The following CCDC148 variants were observed in gnomAD, a reference collection of about 807,000 sequenced individuals.
The protein encoded by CCDC148 is coiled-coil domain-containing protein 148.
Under a neutral mutation model 85.7 loss-of-function variants are expected in CCDC148, and 89 were observed. The ratio of observed to expected loss-of-function variants is 1.04; its 90% CI spans 0.87 to 1.24. CCDC148 has a LOEUF of 1.24. Ranked by LOEUF, CCDC148 falls within the 50% of genes most tolerant of loss-of-function variation. CCDC148 has a pLI of 0.00. For missense variants in CCDC148, 692 were observed against 671.7 expected (o/e 1.03, Z -0.33); for synonymous variants, 230 against 213.9 (o/e 1.08, Z -0.66).
intron 1 of CCDC148, among the ~76,000 whole-genome samples, chr2:158,375,022 AGTT>A (rs1684598697): frequency 6.6e-6 from 1 of 152,038 alleles, no homozygotes; most frequent in African/African-American, 2.4e-5. Context: ...TTCTATATGA[AGTT>A]GTTTGAATTC....
intron 10 of CCDC148, among the ~76,000 whole-genome samples, chr2:158,243,455 C>A (rs578183336): frequency 6.6e-6 from 1 of 152,242 alleles, no homozygotes; most frequent in Admixed American, 6.5e-5. Context: ...CCAGCAGGAC[C>A]TCTGTGGATT....
At chr2:158,357,082 G>A (rs1363411678) in intron 2 of CCDC148, among the ~76,000 whole-genome samples, 1 of 144,814 alleles carries the variant, frequency 6.9e-6, no homozygotes, top group Non-Finnish European at 1.5e-5. Flanking sequence ...ACTGTTATGG[G>A]GTTGGGGGAG....
rs554689092 is a variant in CCDC148 at position 158,329,207 on chromosome 2, G to A, written c.764+9519C>T. Among the ~76,000 whole-genome samples the A allele has an allele frequency of 2.0e-5, 3 of 152,284 alleles. No homozygotes were observed. In the East Asian group the frequency reaches 5.8e-4, roughly 29 times the overall value. On this transcript the variant is annotated intron_variant, in intron 7 of 13. Transcript: ENST00000283233. Reference sequence around the variant, plus strand: ...AATTTTTGTACATGGTGTAAGGAAGGGATCCAGTTTCAGCTTTCTACATAT... The same window carrying A: ...AATTTTTGTACATGGTGTAAGGAAGAGATCCAGTTTCAGCTTTCTACATAT...
intron 2 of CCDC148, among the ~76,000 whole-genome samples, chr2:158,350,637 A>G (rs1327830671): frequency 6.6e-6 from 1 of 152,210 alleles, no homozygotes; most frequent in East Asian, 1.9e-4. Flanking sequence ...CTATTATCAC[A>G]AAATTGGATA....
At chr2:158,390,848 C>T (rs1685272704) in intron 1 of CCDC148, among the ~76,000 whole-genome samples, 1 of 152,114 alleles carries the variant, frequency 6.6e-6, no homozygotes, top group Admixed American at 6.6e-5. Flanking sequence ...AATAACACTC[C>T]AGCAGTGTAA....
At chr2:158,310,953 T>C (rs1170929257) in intron 8 of CCDC148, among the ~76,000 whole-genome samples, 1 of 127,382 alleles carries the variant, frequency 7.9e-6, no homozygotes, top group East Asian at 2.4e-4. Flanking sequence ...TTCTAGACAG[T>C]GTGGCGGCCG....
intron 1 of CCDC148, among the ~76,000 whole-genome samples, chr2:158,392,723 C>G (rs1290508793): frequency 4.0e-5 from 6 of 151,856 alleles, no homozygotes; most frequent in African/African-American, 1.2e-4. Context: ...CAAAATAAAC[C>G]CTTAAGATAA....
intron 10 of CCDC148, among the ~76,000 whole-genome samples, chr2:158,227,413 A>G (rs1314354645): frequency 6.6e-6 from 1 of 152,116 alleles, no homozygotes; most frequent in Non-Finnish European, 1.5e-5. Flanking sequence ...TGCCATCCCC[A>G]TCAAGCTACC....
chr2:158,411,278 C>T (rs1292269838), intron 1 of CCDC148, among the ~76,000 whole-genome samples: 2 of 151,618 alleles, frequency 1.3e-5, no homozygotes, highest in Admixed American at 6.6e-5. Context: ...AGCTTTTTGC[C>T]CTATTCTTTC....
intron 11 of CCDC148, among the ~76,000 whole-genome samples, chr2:158,192,673 C>T (rs1457911396): frequency 1.3e-5 from 2 of 151,864 alleles, no homozygotes; most frequent in African/African-American, 2.4e-5. Context: ...GAGAACTTCA[C>T]AGTAACAGAG....
At chr2:158,308,067 G>A (rs77284249) in intron 9 of CCDC148, among the ~76,000 whole-genome samples, 8,558 of 152,164 alleles carry the variant, frequency 0.056, 501 homozygotes, top group African/African-American at 0.15. Flanking sequence ...TGATGTGCAT[G>A]TCTATGGTTG....
chr2:158,411,536 A>C (rs532691176), intron 1 of CCDC148, among the ~76,000 whole-genome samples: 2 of 151,900 alleles, frequency 1.3e-5, no homozygotes, highest in South Asian at 4.2e-4. Context: ...TTTGTTCTTC[A>C]TTGTTATTTC....
chr2:158,199,447 G>A (rs1014473313), intron 11 of CCDC148, among the ~76,000 whole-genome samples: 1 of 152,116 alleles, frequency 6.6e-6, no homozygotes. Flanking sequence ...GTTTCACCAT[G>A]TTGGCCAGGC....
rs77155656 is a variant in CCDC148, at chr2:158,266,005, C to A, written c.1111-15093G>T. 7.0e-3 allele frequency among the ~76,000 whole-genome samples: 1,065 copies of A among 152,262 alleles called. 16 individuals carry two copies. The highest frequency in any genetic ancestry group is 0.024 in the African/African-American group (1,013 of 41,558). On this transcript the variant is annotated intron_variant, in intron 9 of 13. Transcript: ENST00000283233. ...CTACTAAGTTCAGTTAAGCATTCAT[C>A]TCTTTCCTAGACTGGCAATTATTTC...
intron 1 of CCDC148, among the ~76,000 whole-genome samples, chr2:158,400,038 G>A (rs957577299): frequency 2.6e-5 from 4 of 151,762 alleles, no homozygotes; most frequent in African/African-American, 9.7e-5. Flanking sequence ...CACTGCTCAA[G>A]GAAATAAAAG....
intron 1 of CCDC148, among the ~76,000 whole-genome samples, chr2:158,363,854 G>A (rs781285605): frequency 3.9e-5 from 6 of 152,114 alleles, no homozygotes; most frequent in Non-Finnish European, 8.8e-5. Context: ...TATTCAAATA[G>A]GAACACAGAA....
intron 11 of CCDC148, among the ~76,000 whole-genome samples, chr2:158,193,523 T>C (rs1440654229): frequency 1.3e-5 from 2 of 151,962 alleles, no homozygotes; most frequent in Non-Finnish European, 2.9e-5. Context: ...TCTAGAAACG[T>C]TTAGCGCATT....
At chr2:158,375,021 A>G (rs990429183) in intron 1 of CCDC148, among the ~76,000 whole-genome samples, 5 of 151,870 alleles carry the variant, frequency 3.3e-5, no homozygotes, top group Non-Finnish European at 5.9e-5. Flanking sequence ...TTTCTATATG[A>G]AGTTGTTTGA....
At chr2:158,429,385 A>ATAGATAGATAGG (rs1200090121) in intron 1 of CCDC148, among the ~76,000 whole-genome samples, 4 of 152,228 alleles carry the variant, frequency 2.6e-5, no homozygotes, top group Non-Finnish European at 5.9e-5. Flanking sequence ...AGATAGATAG[A>ATAGATAGATAGG]TAGATAGATA....
Sources: gnomAD v4.1 joint callset for allele counts (sites outside exome capture counted in the v4.1 genomes callset) on GRCh38, gnomAD v4.1.1 for gene constraint, MANE v1.5 for transcripts, NCBI Gene and HGNC (gene_info 2026-07-23, HGNC 2026-07-21) for gene names.